ITGA11: variants seen among roughly 807,000 people sequenced by gnomAD.
The protein encoded by ITGA11 is integrin alpha-11.
Under a neutral mutation model 141.9 loss-of-function variants are expected in ITGA11, and 97 were observed. That is an observed-to-expected ratio of 0.68 (90% CI 0.58 to 0.81). The LOEUF (loss-of-function observed/expected upper bound fraction) is 0.81. Ranked by LOEUF, ITGA11 falls within the 30% of genes least tolerant of loss-of-function variation. The pLI is 0.00. For missense variants in ITGA11, 1,387 were observed against 1,559.2 expected, an observed-to-expected ratio of 0.89 and a Z score of 1.86; for synonymous variants, 658 against 624.6, an observed-to-expected ratio of 1.05 and a Z score of -0.80.
intron 10 of ITGA11, among the ~76,000 whole-genome samples, chr15:68,347,929 C>T (rs1595870804): frequency 6.7e-6 from 1 of 149,758 alleles, no homozygotes. Flanking sequence ...CATACACACA[C>T]ACACACACAC....
rs754291230 is a variant in ITGA11 at position 68,307,558 on chromosome 15, T to TCCAGC, written c.3285+23_3285+27dup. ...CAGCCGCCCCCTTTCCCTTCTTCCT[T>TCCAGC]CCAGCCCAGCCCAGGGGCTCTACTT... On this transcript the variant is annotated intron_variant, in intron 27 of 29. Coordinates refer to ENST00000315757, the MANE Select transcript of ITGA11 (RefSeq NM_001004439.2). This position sits in a 1 kb window ranked among gnomAD's most constrained non-coding sequence, Gnocchi z 6.1. The TCCAGC allele has an allele frequency of 9.5e-6, 15 of 1,571,316 alleles. No individual in the cohort carries two copies. The Admixed American group carries it at 1.0e-4, about 11-fold the overall frequency.
At chr15:68,397,004 T>TTATTTATTATATAACATATA (rs1567156580) in intron 2 of ITGA11, among the ~76,000 whole-genome samples, 4 of 3,134 alleles carry the variant, frequency 1.3e-3, no homozygotes, top group Non-Finnish European at 1.8e-3. Context: ...TAATATATAA[T>TTATTTATTATATAACATATA]ATATATTACT....
At chr15:68,355,060 A>AG (rs1567141818) in intron 7 of ITGA11, among the ~76,000 whole-genome samples, 1 of 152,280 alleles carries the variant, frequency 6.6e-6, no homozygotes, top group African/African-American at 2.4e-5. Flanking sequence ...ATAACTGAGC[A>AG]GGGGTTGGTG....
chr15:68,428,687 A>G (rs1201119072), intron 1 of ITGA11, among the ~76,000 whole-genome samples: 2 of 152,004 alleles, frequency 1.3e-5, no homozygotes, highest in African/African-American at 2.4e-5. Context: ...GGACCTCTGG[A>G]GCCTTTGTAC....
At chr15:68,425,548 T>C (rs983559217) in intron 1 of ITGA11, among the ~76,000 whole-genome samples, 1 of 152,194 alleles carries the variant, frequency 6.6e-6, no homozygotes, top group Non-Finnish European at 1.5e-5. Context: ...CTTTGTACCC[T>C]TCTGCCTGGA....
intron 2 of ITGA11, among the ~76,000 whole-genome samples, chr15:68,396,363 G>A (rs958109905): frequency 2.0e-5 from 3 of 151,860 alleles, no homozygotes; most frequent in Non-Finnish European, 4.4e-5. Flanking sequence ...TTCAGCACCT[G>A]TTCATAATTT....
intron 2 of ITGA11, among the ~76,000 whole-genome samples, chr15:68,375,181 C>A (rs1200181056): frequency 6.6e-6 from 1 of 152,242 alleles, no homozygotes; most frequent in Non-Finnish European, 1.5e-5. Flanking sequence ...CCTTCCTCAC[C>A]TGTTCCTTTC....
chr15:68,319,925 G>A (rs928110921), intron 20 of ITGA11, among the ~76,000 whole-genome samples: 5 of 151,474 alleles, frequency 3.3e-5, no homozygotes, highest in Non-Finnish European at 7.4e-5. Flanking sequence ...GCTTTTTAAA[G>A]CTCTCCTGTG....
At chr15:68,312,645 A>G (rs927315908) in intron 24 of ITGA11, 128 bp downstream of exon 24, 2 of 667,704 alleles carry the variant, frequency 3.0e-6, no homozygotes, top group Non-Finnish European at 5.2e-6. Context: ...CTAAAGTCGC[A>G]CAGTGGGTGG....
Position 68,403,009 on chromosome 15 carries a change from T to C in ITGA11, c.73A>G (p.Met25Val). ...LWPGFTDTFNMDTRKPRVIPG... is the reference protein window; with the variant it reads ...LWPGFTDTFNVDTRKPRVIPG... ...ATGACCCGGGGCTTCCTGGTGTCCA[T>C]GTTGAAGGTGTCCGTGAACCCTGAG... Residue 25 changes from methionine (M) to valine (V), a missense_variant, in exon 2 of 30, where the codon ATG becomes GTG. Coordinates refer to ENST00000315757, the MANE Select transcript of ITGA11 (RefSeq NM_001004439.2). 6.2e-7 allele frequency: 1 copy of C among 1,613,024 alleles called. No homozygotes were observed. The highest frequency in any genetic ancestry group is 8.5e-7 in the Non-Finnish European group (1 of 1,179,362).
chr15:68,318,892 A>G (rs1157115594), intron 20 of ITGA11, among the ~76,000 whole-genome samples: 1 of 152,200 alleles, frequency 6.6e-6, no homozygotes, highest in Non-Finnish European at 1.5e-5. Flanking sequence ...ACACCCACAC[A>G]TGACATTGAT....
intron 21 of ITGA11, among the ~76,000 whole-genome samples, chr15:68,316,908 G>T (rs1466099098): frequency 2.0e-5 from 3 of 152,200 alleles, no homozygotes; most frequent in African/African-American, 7.2e-5. Flanking sequence ...CTCACGAAAT[G>T]GTAGTTTCTC....
At chr15:68,378,894 C>T (rs1567150771) in intron 2 of ITGA11, among the ~76,000 whole-genome samples, 1 of 152,128 alleles carries the variant, frequency 6.6e-6, no homozygotes, top group Non-Finnish European at 1.5e-5. Flanking sequence ...CTTTTAGGTC[C>T]ACCTCAGCTG....
At chr15:68,350,170 C>A (rs1405554960) in intron 9 of ITGA11, among the ~76,000 whole-genome samples, 1 of 152,112 alleles carries the variant, frequency 6.6e-6, no homozygotes, top group African/African-American at 2.4e-5. Flanking sequence ...GAGTAATACT[C>A]AATTGTTGGC....
rs541103090 is a variant in ITGA11 at position 68,335,806 on chromosome 15, C to A, written c.1316G>T (p.Arg439Leu). The A allele has an allele frequency of 6.2e-7, 1 of 1,613,338 alleles. No individual in the cohort carries two copies. Among genetic ancestry groups the A allele is most frequent in the Non-Finnish European group, 8.5e-7 (1 of 1,179,634 alleles). ...VTSVVSSRQGRVYVAGAPRFN... is the reference protein window; with the variant it reads ...VTSVVSSRQGLVYVAGAPRFN... ...CCGGGGGGCTCCGGCCACGTACACC[C>A]GCCCCTGCCTGGAGGACACGACCGA... The change falls in exon 12 of 30, where the codon CGG becomes CTG. Residue 439 changes from arginine to leucine, a missense_variant. By Grantham distance (102) the Arg-to-Leu change is moderately radical. Coordinates refer to ENST00000315757, the MANE Select transcript of ITGA11 (RefSeq NM_001004439.2). This position sits in a 1 kb window ranked among gnomAD's most constrained non-coding sequence, Gnocchi z 4.9.
At position 68,322,256 on chromosome 15, in the gene ITGA11, C is replaced by T. The variant is rs991786250; in HGVS notation, c.2323-753G>A. Among the ~76,000 whole-genome samples the T allele has an allele frequency of 2.0e-5, 3 of 152,130 alleles. No homozygotes were observed. Among genetic ancestry groups the T allele is most frequent in the South Asian group, 2.1e-4 (1 of 4,824 alleles). On this transcript the variant is annotated intron_variant, in intron 18 of 29. Coordinates refer to ENST00000315757, the MANE Select transcript of ITGA11 (RefSeq NM_001004439.2). This position sits in a 1 kb window ranked among gnomAD's most constrained non-coding sequence, Gnocchi z 5.6. ...GTCATTCCTTGCAACTGGTAGGAGT[C>T]GCCGAATGCCTCAGGCAGGGAATGT...
At chr15:68,315,599 C>T in intron 22 of ITGA11, 52 bp downstream of exon 22, 1 of 1,476,560 alleles carries the variant, frequency 6.8e-7, no homozygotes, top group Non-Finnish European at 9.4e-7. Flanking sequence ...AGCCAGAGAG[C>T]TGGGCCCCGG....
intron 1 of ITGA11, among the ~76,000 whole-genome samples, chr15:68,419,200 T>C (rs1421880779): frequency 3.3e-5 from 5 of 152,200 alleles, no homozygotes; most frequent in African/African-American, 1.2e-4. Context: ...AGTGTTTTTG[T>C]TCTCTGAGGG....
chr15:68,414,221 G>A (rs1257002125), intron 1 of ITGA11, among the ~76,000 whole-genome samples: 3 of 152,204 alleles, frequency 2.0e-5, no homozygotes, highest in Non-Finnish European at 4.4e-5. Flanking sequence ...CGGACACCAG[G>A]CAGGGAGCAC....
Sources: allele counts gnomAD v4.1 joint callset (sites outside exome capture counted in the v4.1 genomes callset), GRCh38; gene constraint gnomAD v4.1.1; non-coding constraint Gnocchi (gnomAD v3.1); transcripts MANE v1.5; gene names NCBI Gene and HGNC (gene_info 2026-07-23, HGNC 2026-07-21).